Variants in ITCH observed in about 807,000 individuals in gnomAD.
The protein encoded by ITCH is itchy E3 ubiquitin protein ligase, also known as E3 ubiquitin-protein ligase Itchy homolog.
ITCH carries 28 observed loss-of-function variants against 126.8 expected under a neutral mutation model. That is an observed-to-expected ratio of 0.22 (90% CI 0.16 to 0.30). ITCH has a LOEUF of 0.30. Among genes scored for constraint, ITCH ranks in the 10% least tolerant of loss-of-function variants. The pLI is 1.00. For synonymous variants in ITCH, 342 were observed against 340.0 expected (o/e 1.01, Z -0.06); for missense variants, 631 against 1,032.4 (o/e 0.61, Z 5.33).
intron 3 of ITCH, among the ~76,000 whole-genome samples, chr20:34,401,287 CT>C (rs1380258258): frequency 6.6e-6 from 1 of 151,368 alleles, no homozygotes; most frequent in Non-Finnish European, 1.5e-5. Flanking sequence ...TTCTTTTTTT[CT>C]TTTTTTTGAC....
intron 2 of ITCH, among the ~76,000 whole-genome samples, chr20:34,392,524 T>A (rs181233691): frequency 1.3e-5 from 2 of 152,290 alleles, no homozygotes; most frequent in East Asian, 3.9e-4. Context: ...TTTGCAGAAT[T>A]GAGAAGCCAT....
intron 2 of ITCH, among the ~76,000 whole-genome samples, chr20:34,379,928 C>A (rs1228609166): frequency 8.4e-6 from 1 of 118,440 alleles, no homozygotes; most frequent in Non-Finnish European, 1.7e-5. Flanking sequence ...GACAGAGTCT[C>A]GCTCTGTCAC....
intron 2 of ITCH, among the ~76,000 whole-genome samples, chr20:34,376,818 A>G (rs180966369): frequency 3.9e-5 from 6 of 152,270 alleles, no homozygotes; most frequent in East Asian, 3.9e-4. Context: ...AGACTAGGCT[A>G]TGGAGGTGTC....
intron 16 of ITCH, among the ~76,000 whole-genome samples, chr20:34,474,369 A>T (rs2146435726): frequency 6.6e-6 from 1 of 152,298 alleles, no homozygotes; most frequent in Admixed American, 6.5e-5. Flanking sequence ...ATGACTCTTA[A>T]CGAGCATGCT....
intron 23 of ITCH, among the ~76,000 whole-genome samples, chr20:34,497,832 C>T (rs59828759): frequency 0.018 from 2,804 of 152,316 alleles, 80 homozygotes; most frequent in African/African-American, 0.055. Flanking sequence ...CCCACCTTGG[C>T]CTCCCAAAGT....
intron 2 of ITCH, among the ~76,000 whole-genome samples, chr20:34,382,589 G>C (rs970039580): frequency 6.6e-6 from 1 of 151,840 alleles, no homozygotes; most frequent in Non-Finnish European, 1.5e-5. Flanking sequence ...TGTATTTTTA[G>C]TAGAGATGGG....
At chr20:34,477,630 G>A in intron 16 of ITCH, 142 bp from the exon 17 acceptor site, 1 of 670,504 alleles carries the variant, frequency 1.5e-6, no homozygotes, top group South Asian at 1.8e-5. Context: ...TTCTGTATGT[G>A]TGGTTTTGAC....
intron 3 of ITCH, among the ~76,000 whole-genome samples, chr20:34,403,672 G>A (rs929332383): frequency 1.3e-5 from 2 of 152,100 alleles, no homozygotes; most frequent in Non-Finnish European, 2.9e-5. Flanking sequence ...AGCTGACGGA[G>A]CCATACGTAA....
chr20:34,495,316 TAC>T (rs1555885679), intron 23 of ITCH, among the ~76,000 whole-genome samples: 2 of 132,264 alleles, frequency 1.5e-5, no homozygotes, highest in African/African-American at 2.7e-5. Context: ...TATATATATA[TAC>T]ACACGCACAC....
chr20:34,455,973 G>C (rs1256361842), intron 12 of ITCH, among the ~76,000 whole-genome samples: 1 of 151,478 alleles, frequency 6.6e-6, no homozygotes, highest in Non-Finnish European at 1.5e-5. Flanking sequence ...AGATATTTAG[G>C]ATTTTGGAAC....
At chr20:34,479,029 T>C (rs1361730835) in intron 17 of ITCH, among the ~76,000 whole-genome samples, 1 of 152,206 alleles carries the variant, frequency 6.6e-6, no homozygotes, top group African/African-American at 2.4e-5. Context: ...TAATCTTATG[T>C]TAATATTGGT....
chr20:34,498,656 T>C lies in ITCH; in HGVS notation c.2417-5675T>C, dbSNP rs1188388697. 2.0e-5 allele frequency among the ~76,000 whole-genome samples: 3 copies of C among 152,236 alleles called. No individual in the cohort carries two copies. In the East Asian group the frequency reaches 5.8e-4, roughly 29 times the overall value. On this transcript the variant is annotated intron_variant, in intron 23 of 24. Coordinates refer to ENST00000374864, the MANE Select transcript of ITCH (RefSeq NM_031483.7). ...TCATTGATTTGTATATGTTGAACCA[T>C]CCTTGCAACCTTTGGATCTTTTTAA...
At chr20:34,430,517 A>G (rs545439893) in intron 7 of ITCH, among the ~76,000 whole-genome samples, 3 of 152,302 alleles carry the variant, frequency 2.0e-5, no homozygotes, top group African/African-American at 7.2e-5. Flanking sequence ...TCTGTCGCCC[A>G]GATGGGAATG....
chr20:34,506,387 A>T (rs1990622278), intron 24 of ITCH, among the ~76,000 whole-genome samples: 1 of 152,198 alleles, frequency 6.6e-6, no homozygotes, highest in Non-Finnish European at 1.5e-5. Context: ...TAAAATTGAA[A>T]TGGTACCCAT....
intron 7 of ITCH, among the ~76,000 whole-genome samples, chr20:34,438,210 G>A (rs1258460210): frequency 6.6e-6 from 1 of 152,188 alleles, no homozygotes; most frequent in Non-Finnish European, 1.5e-5. Context: ...ATATGAACCA[G>A]CATACCTAAT....
chr20:34,402,639 G>A (rs759478124), intron 3 of ITCH: 24 of 584,060 alleles, frequency 4.1e-5, no homozygotes, highest in Admixed American at 1.2e-4. Context: ...ATGGAAATTT[G>A]TTGTGTTGTT....
chr20:34,429,795 G>A (rs926545671), intron 7 of ITCH, among the ~76,000 whole-genome samples: 1 of 132,642 alleles, frequency 7.5e-6, no homozygotes, highest in Non-Finnish European at 1.7e-5. Context: ...TAATACGATT[G>A]TTTTAAAAGA....
rs1983573170 is a variant in ITCH at position 34,440,256 on chromosome 20, A to G, written c.781A>G (p.Thr261Ala). The change falls in exon 9 of 25, where the codon ACA (threonine) becomes GCA (alanine). Residue 261 changes from threonine to alanine, a missense_variant. Transcript: ENST00000374864. ...NTNTNTSEGATSGLIIPLTIS... is the reference protein window; with the variant it reads ...NTNTNTSEGAASGLIIPLTIS... ...AAATACAAATACATCTGAAGGAGCA[A>G]CATCTGGATTAATAATTCCTCTTAC... 1 of 1,613,728 alleles carries G rather than the reference A, an allele frequency of 6.2e-7. No homozygotes were observed. The highest frequency in any genetic ancestry group is 8.5e-7 in the Non-Finnish European group (1 of 1,179,696).
At chr20:34,368,475 C>CTCAG (rs2037501370) in intron 1 of ITCH, among the ~76,000 whole-genome samples, 1 of 151,486 alleles carries the variant, frequency 6.6e-6, no homozygotes, top group Non-Finnish European at 1.5e-5. Flanking sequence ...ATAATAAGCA[C>CTCAG]TCAGTAAAGG....
Sources: gnomAD v4.1 joint callset for allele counts (sites outside exome capture counted in the v4.1 genomes callset) on GRCh38, gnomAD v4.1.1 for gene constraint, MANE v1.5 for transcripts, NCBI Gene and HGNC (gene_info 2026-07-23, HGNC 2026-07-21) for gene names.